Variants in AKT3 observed in about 807,000 individuals in gnomAD.
AKT3 encodes the protein RAC-gamma serine/threonine-protein kinase.
Under a neutral mutation model 65.3 loss-of-function variants are expected in AKT3, and 15 were observed. The ratio of observed to expected loss-of-function variants is 0.23; its 90% CI spans 0.15 to 0.35. AKT3 has a LOEUF of 0.35. Among genes scored for constraint, AKT3 ranks in the 10% least tolerant of loss-of-function variants. The pLI is 1.00. For synonymous variants in AKT3, 206 were observed against 183.8 expected (o/e 1.12, Z -0.98); for missense variants, 243 against 576.5 (o/e 0.42, Z 5.92).
At chr1:243,742,048 A>C (rs1476118774) in intron 2 of AKT3, among the ~76,000 whole-genome samples, 10 of 135,776 alleles carry the variant, frequency 7.4e-5, no homozygotes, top group Non-Finnish European at 4.8e-5. Flanking sequence ...AAACAACTAC[A>C]GATAGAAAAT....
At chr1:243,783,332 A>C (rs1274049165) in intron 2 of AKT3, among the ~76,000 whole-genome samples, 1 of 152,200 alleles carries the variant, frequency 6.6e-6, no homozygotes, top group Non-Finnish European at 1.5e-5. Context: ...TTATGTCTAC[A>C]CATAAAAGCC....
At chr1:243,784,923 G>A (rs902933771) in intron 2 of AKT3, among the ~76,000 whole-genome samples, 1 of 152,010 alleles carries the variant, frequency 6.6e-6, no homozygotes, top group African/African-American at 2.4e-5. Context: ...ACCACGCCTA[G>A]CTATTTTTTA....
intron 12 of AKT3, among the ~76,000 whole-genome samples, chr1:243,529,106 G>A (rs1483728866): frequency 6.7e-6 from 1 of 148,814 alleles, no homozygotes; most frequent in Non-Finnish European, 1.5e-5. Flanking sequence ...GTCTTCTTTT[G>A]GGAAGTGTCT....
intron 2 of AKT3, among the ~76,000 whole-genome samples, chr1:243,717,999 T>A (rs1302720380): frequency 6.6e-6 from 1 of 152,328 alleles, no homozygotes; most frequent in East Asian, 1.9e-4. Flanking sequence ...ATTTCTATGA[T>A]TACACCCATT....
intron 6 of AKT3, among the ~76,000 whole-genome samples, chr1:243,632,056 C>G (rs1679649580): frequency 6.6e-6 from 1 of 152,192 alleles, no homozygotes; most frequent in Non-Finnish European, 1.5e-5. Context: ...TGTTGATATT[C>G]TGACCTCCTT....
At chr1:243,492,201 T>C (rs957655186) in intron 13 of AKT3, among the ~76,000 whole-genome samples, 6 of 151,352 alleles carry the variant, frequency 4.0e-5, no homozygotes, top group Non-Finnish European at 7.4e-5. Context: ...TGGATGCTTT[T>C]GGCCACGAGA....
At chr1:243,840,031 A>C (rs1484507451) in intron 2 of AKT3, among the ~76,000 whole-genome samples, 1 of 151,952 alleles carries the variant, frequency 6.6e-6, no homozygotes, top group Non-Finnish European at 1.5e-5. Flanking sequence ...AAATACAAAA[A>C]ATTAGCCTGG....
chr1:243,603,037 T>C (rs531469421), intron 8 of AKT3, among the ~76,000 whole-genome samples: 1 of 152,320 alleles, frequency 6.6e-6, no homozygotes, highest in African/African-American at 2.4e-5. Flanking sequence ...GTCAATTTTG[T>C]CTACTTTATT....
At chr1:243,625,996 G>A (rs1679131851) in intron 6 of AKT3, among the ~76,000 whole-genome samples, 1 of 152,208 alleles carries the variant, frequency 6.6e-6, no homozygotes, top group Non-Finnish European at 1.5e-5. Context: ...CTCCTCCATA[G>A]ATGACATAGC....
chr1:243,823,378 C>T (rs1693974438), intron 2 of AKT3, among the ~76,000 whole-genome samples: 1 of 152,102 alleles, frequency 6.6e-6, no homozygotes, highest in Middle Eastern at 3.2e-3. Flanking sequence ...ACAAGGATGC[C>T]CTCTCCCACT....
Position 243,753,122 on chromosome 1 carries a change from T to C in AKT3, c.47-57406A>G, listed in dbSNP as rs150746148. Among the ~76,000 whole-genome samples, 131 of 152,290 alleles carry C rather than the reference T, an allele frequency of 8.6e-4. 1 individual carries two copies. Among genetic ancestry groups the C allele is most frequent in the African/African-American group, 3.0e-3 (125 of 41,552 alleles). On this transcript the variant is annotated intron_variant, in intron 2 of 13. Coordinates refer to ENST00000673466, the MANE Select transcript of AKT3 (RefSeq NM_005465.7). ...TCAAAATTTAAGCCCTATATCACCA[T>C]CCGATTTCACAGGCAACACAAAGAA...
chr1:243,569,030 A>G (rs1253342468), intron 9 of AKT3, among the ~76,000 whole-genome samples: 1 of 152,238 alleles, frequency 6.6e-6, no homozygotes, highest in African/African-American at 2.4e-5. Context: ...ATAGAAATAA[A>G]CAATTCCTGT....
intron 2 of AKT3, among the ~76,000 whole-genome samples, chr1:243,828,902 G>A (rs997490090): frequency 6.6e-6 from 1 of 152,146 alleles, no homozygotes; most frequent in Non-Finnish European, 1.5e-5. Context: ...AGCAAGTTAA[G>A]TCAAACTAGT....
rs942187513 is a variant in AKT3, at chr1:243,545,581, C to T, written c.1180G>A (p.Asp394Asn). The change falls in exon 12 of 14, where the codon GAT becomes AAT. Residue 394 changes from aspartate (D) to asparagine (N), a missense_variant. Coordinates refer to ENST00000673466, the MANE Select transcript of AKT3 (RefSeq NM_005465.7). ...DPNKRLGGGP[D>N]DAKEIMRHSF... is the part of the protein sequence containing the mutation. Reference sequence around the variant, plus strand: ...TGTCTCATAATTTCTTTTGCATCATCTGGTCCTCCACCAAGGCTATGAGAA... The same window carrying T: ...TGTCTCATAATTTCTTTTGCATCATTTGGTCCTCCACCAAGGCTATGAGAA... 2.0e-5 allele frequency: 33 copies of T among 1,612,176 alleles called. No individual in the cohort carries two copies. The highest frequency in any genetic ancestry group is 2.8e-5 in the Non-Finnish European group (33 of 1,178,590).
At chr1:243,522,332 T>G (rs1326485031) in intron 12 of AKT3, among the ~76,000 whole-genome samples, 1 of 152,156 alleles carries the variant, frequency 6.6e-6, no homozygotes, top group Non-Finnish European at 1.5e-5. Flanking sequence ...AAAGGCAATT[T>G]CCAACTTACA....
At chr1:243,560,002 C>T (rs1045414415) in intron 10 of AKT3, among the ~76,000 whole-genome samples, 3 of 152,100 alleles carry the variant, frequency 2.0e-5, no homozygotes, top group African/African-American at 7.2e-5. Flanking sequence ...ATCACAGTAT[C>T]GCCTTGCTCT....
chr1:243,688,753 C>T (rs149070982), intron 3 of AKT3, among the ~76,000 whole-genome samples: 3 of 152,104 alleles, frequency 2.0e-5, no homozygotes, highest in Non-Finnish European at 2.9e-5. Flanking sequence ...ATTTGGAAAC[C>T]GGATGTTCAA....
chr1:243,799,294 C>A (rs1692238392), intron 2 of AKT3, among the ~76,000 whole-genome samples: 4 of 152,138 alleles, frequency 2.6e-5, no homozygotes, highest in Admixed American at 2.6e-4. Context: ...CATAATAGAA[C>A]CTCAATTAAT....
chr1:243,724,303 T>G (rs1251453767), intron 2 of AKT3, among the ~76,000 whole-genome samples: 1 of 151,934 alleles, frequency 6.6e-6, no homozygotes, highest in Non-Finnish European at 1.5e-5. Context: ...AGTATGCAGT[T>G]GTACCATTTT....
Sources: gnomAD v4.1 joint callset for allele counts (sites outside exome capture counted in the v4.1 genomes callset) on GRCh38, gnomAD v4.1.1 for gene constraint, MANE v1.5 for transcripts, NCBI Gene and HGNC (gene_info 2026-07-23, HGNC 2026-07-21) for gene names.